SEMA4F: variants seen among roughly 807,000 people sequenced by gnomAD.
SEMA4F encodes ssemaphorin 4F.
Under a neutral mutation model 78.4 loss-of-function variants are expected in SEMA4F, and 51 were observed. The ratio of observed to expected loss-of-function variants is 0.65; its 90% confidence interval spans 0.52 to 0.82. The LOEUF (loss-of-function observed/expected upper bound fraction) is 0.82, where lower values mean the gene tolerates loss of function less well. Among genes scored for constraint, SEMA4F ranks in the 40% least tolerant of loss-of-function variants. The pLI is 0.00. For missense variants in SEMA4F, 938 were observed against 1,014.4 expected (o/e 0.92, Z 1.02); for synonymous variants, 418 against 408.7 (o/e 1.02, Z -0.27).
chr2:74,703,623 A>G, the SEMA4F span, among the ~76,000 whole-genome samples: 1 of 152,254 alleles, frequency 6.6e-6, no homozygotes, highest in South Asian at 2.1e-4. Context: ...CGGGCATAGA[A>G]AAACAATCAC....
chr2:74,707,821 A>G, the SEMA4F span, among the ~76,000 whole-genome samples: 1 of 152,136 alleles, frequency 6.6e-6, no homozygotes, highest in Non-Finnish European at 1.5e-5. Context: ...GGGGAGACCA[A>G]AGCAACTAGA....
chr2:74,659,397 G>A, intron 4 of SEMA4F, among the ~76,000 whole-genome samples: 1 of 152,158 alleles, frequency 6.6e-6, no homozygotes, highest in Non-Finnish European at 1.5e-5. Context: ...TGTTACATAA[G>A]GTATCTAGAC....
the SEMA4F span, among the ~76,000 whole-genome samples, chr2:74,689,473 A>G: frequency 6.6e-6 from 1 of 152,346 alleles, no homozygotes; most frequent in African/African-American, 2.4e-5. Context: ...TAAAGTGTAT[A>G]TATCATTTGA....
downstream of SEMA4F, among the ~76,000 whole-genome samples, chr2:74,688,537 T>C (rs970940022): frequency 6.6e-6 from 1 of 152,270 alleles, no homozygotes; most frequent in African/African-American, 2.4e-5. Flanking sequence ...ATAATACACA[T>C]GATTAATAAG....
chr2:74,675,795 C>G lies in SEMA4F; in HGVS notation c.1529C>G (p.Thr510Arg). 2 of 1,614,234 alleles carry G rather than the reference C, an allele frequency of 1.2e-6. No homozygotes were observed. Among genetic ancestry groups the G allele is most frequent in the Non-Finnish European group, 1.7e-6 (2 of 1,180,044 alleles). The change falls in exon 12 of 14, where the codon ACA becomes AGA. Residue 510 changes from threonine to arginine, a missense_variant. By Grantham distance (71) the Thr-to-Arg change is moderately conservative. Transcript: ENST00000357877. ...CGTACTGAGGTGACACAAGTGAATA[C>G]AACCAACTGTGGCCGTCTCCAGAGC... ...GSRTEVTQVN[T>R]TNCGRLQSCS...
rs1684165350 is a variant in SEMA4F, at chr2:74,656,725, A to G, written c.297+40A>G. 10 of 1,600,672 alleles carry G rather than the reference A, an allele frequency of 6.2e-6. No individual in the cohort carries two copies. In the South Asian group the frequency reaches 9.9e-5, roughly 16 times the overall value. On this transcript the variant is annotated intron_variant, in intron 2 of 13. Coordinates refer to ENST00000357877, the MANE Select transcript of SEMA4F (RefSeq NM_004263.5). Reference sequence around the variant, plus strand: ...AGGGAAGGACCCCTGACCCTGTAGCATGTGATTAAATCTATGATTTTATGA... The same window carrying G: ...AGGGAAGGACCCCTGACCCTGTAGCGTGTGATTAAATCTATGATTTTATGA...
rs1685484870 is a variant in SEMA4F at position 74,679,672 on chromosome 2, A to G, written c.1776A>G (p.Ala592=). 3.7e-6 allele frequency: 6 copies of G among 1,613,792 alleles called. No individual in the cohort carries two copies. The highest frequency in any genetic ancestry group is 1.6e-4 in the Middle Eastern group (1 of 6,062). Residue 592 remains alanine, a synonymous_variant, in exon 14 of 14, where the codon GCA becomes GCG. Coordinates refer to ENST00000357877, the MANE Select transcript of SEMA4F (RefSeq NM_004263.5). ...HVVLPCSPSS[A]WASCVWHQPS... ...TCTTGCCATGTTCTCCAAGCTCAGC[A>G]TGGGCATCCTGTGTGTGGCACCAGC...
the SEMA4F span, among the ~76,000 whole-genome samples, chr2:74,693,576 A>G: frequency 6.6e-6 from 1 of 152,228 alleles, no homozygotes; most frequent in Non-Finnish European, 1.5e-5. Flanking sequence ...AGATGATGGT[A>G]TAGTTTTTCT....
chr2:74,696,373 CT>C, the SEMA4F span, among the ~76,000 whole-genome samples: 4 of 151,682 alleles, frequency 2.6e-5, no homozygotes, highest in Non-Finnish European at 4.4e-5. Flanking sequence ...TTTTTTTGCA[CT>C]TTTAGTAGAG....
rs1266116466 is a variant in SEMA4F, at chr2:74,673,707, G to A, written c.701G>A (p.Ser234Asn). The change falls in exon 7 of 14, where the codon AGC becomes AAC. Residue 234 changes from serine (S) to asparagine (N), a missense_variant. Ser to Asn is a conservative substitution (Grantham distance 46, BLOSUM62 1). Transcript: ENST00000357877. Reference protein sequence around the residue: ...APAFVAAVALSPAEWGDEDGD... With the variant: ...APAFVAAVALNPAEWGDEDGD... The stretch of plus-strand genomic sequence containing the variant: ...GCCTTTGTCGCAGCCGTGGCCTTGA[G>A]CCCAGCCGAATGGGGGGATGAAGAT... The A allele has an allele frequency of 6.2e-7, 1 of 1,613,990 alleles. No homozygotes were observed. The highest frequency in any genetic ancestry group is 8.5e-7 in the Non-Finnish European group (1 of 1,180,006).
In SEMA4F at chr2:74,654,561, A is replaced by G. The variant is rs748374278; in HGVS notation, c.145+40A>G. On this transcript the variant is annotated intron_variant, in intron 1 of 13. Coordinates refer to ENST00000357877, the MANE Select transcript of SEMA4F (RefSeq NM_004263.5). ...CCCACGCCCTCAGCCCTTCGCGCCC[A>G]CACCCACACCCACACCCACCTGCTC... 8 of 1,440,642 alleles carry G rather than the reference A, an allele frequency of 5.6e-6. No homozygotes were observed. The African/African-American group carries it at 1.2e-4, about 21-fold the overall frequency. The allele number at this position is 1,440,642 out of a possible 1,614,324, so 89.2% of individuals were successfully genotyped here.
the SEMA4F span, among the ~76,000 whole-genome samples, chr2:74,707,067 T>C: frequency 1.4e-5 from 2 of 138,652 alleles, no homozygotes; most frequent in African/African-American, 6.1e-5. Context: ...AAATATATTT[T>C]AAAAATATGT....
rs1685720180 is a variant in SEMA4F at position 74,683,323 on chromosome 2, A to G, written c.*3114A>G. 1 of 152,226 alleles carries G rather than the reference A, an allele frequency of 6.6e-6. No homozygotes were observed. Among genetic ancestry groups the G allele is most frequent in the Non-Finnish European group, 1.5e-5 (1 of 68,052 alleles). 9.4% of individuals were successfully genotyped at this position (152,226 alleles called of 1,614,324 possible). A position where few individuals can be genotyped will look rare whatever the true frequency, so the allele number is the denominator to read the frequency against. On this transcript the variant is annotated 3_prime_UTR_variant, in exon 14 of 14. Coordinates refer to ENST00000357877, the MANE Select transcript of SEMA4F (RefSeq NM_004263.5). ...GTTCATCTGAACTTTATGCCAGCCCAAAACACGAGGACGTGCCACCCATCC... is the reference window on the plus strand; with the variant it reads ...GTTCATCTGAACTTTATGCCAGCCCGAAACACGAGGACGTGCCACCCATCC...
At chr2:74,697,779 G>A in the SEMA4F span, among the ~76,000 whole-genome samples, 1 of 152,286 alleles carries the variant, frequency 6.6e-6, no homozygotes, top group South Asian at 2.1e-4. Flanking sequence ...CTTTGGGCCA[G>A]GGGCTGGACC....
At position 74,680,567 on chromosome 2, in the gene SEMA4F, G is replaced by A. The variant is rs188079194; in HGVS notation, c.*358G>A. The A allele has an allele frequency of 2.7e-5, 5 of 183,174 alleles. No individual in the cohort carries two copies. The highest frequency in any genetic ancestry group is 5.6e-5 in the Admixed American group (1 of 17,862). The allele number at this position is 183,174 out of a possible 1,614,324, so 11.3% of individuals were successfully genotyped here. ...TTTGCTTTCTGGTTGGAGCCTGGCC[G>A]GAAGGAAGAGCCCTGGAGGTGGTTG... is the stretch of plus-strand genomic sequence containing the variant. On this transcript the variant is annotated 3_prime_UTR_variant, in exon 14 of 14. Transcript: ENST00000357877.
chr2:74,683,304 C>T lies in SEMA4F; in HGVS notation c.*3095C>T, dbSNP rs913035234. ...CACTAATCACCTCACATGGGTTCAT[C>T]TGAACTTTATGCCAGCCCAAAACAC... On this transcript the variant is annotated 3_prime_UTR_variant, in exon 14 of 14. Transcript: ENST00000357877. 1.3e-5 allele frequency: 2 copies of T among 152,220 alleles called. No homozygotes were observed. Among genetic ancestry groups the T allele is most frequent in the African/African-American group, 4.8e-5 (2 of 41,444 alleles). The allele number at this position is 152,220 out of a possible 1,614,324, so 9.4% of individuals were successfully genotyped here.
At chr2:74,692,895 A>G in the SEMA4F span, among the ~76,000 whole-genome samples, 1 of 152,264 alleles carries the variant, frequency 6.6e-6, no homozygotes, top group Admixed American at 6.5e-5. Context: ...ATGTGCACAC[A>G]CGAGTGTGTT....
In SEMA4F at chr2:74,682,932, C is replaced by CCTGCCTCAGT. The variant is rs1685700106; in HGVS notation, c.*2725_*2734dup. ...ACTAGCCAATCCTAAGTCTGCCTAC[C>CCTGCCTCAGT]CTGCCTCAGTCATTCCTTCCAATGG... On this transcript the variant is annotated 3_prime_UTR_variant, in exon 14 of 14. Transcript: ENST00000357877. 1 of 152,286 alleles carries CCTGCCTCAGT rather than the reference C, an allele frequency of 6.6e-6. No homozygotes were observed. The highest frequency in any genetic ancestry group is 2.1e-4 in the South Asian group (1 of 4,838). The allele number at this position is 152,286 out of a possible 1,614,324, so 9.4% of individuals were successfully genotyped here.
At chr2:74,685,069 A>G (rs1012516208), downstream of SEMA4F, among the ~76,000 whole-genome samples, 16 of 152,332 alleles carry the variant, frequency 1.1e-4, no homozygotes, top group African/African-American at 3.8e-4. Context: ...GGAAACATAT[A>G]CTAAATCTTT....
Sources: gnomAD v4.1 joint callset for allele counts (sites outside exome capture counted in the v4.1 genomes callset) on GRCh38, gnomAD v4.1.1 for gene constraint, MANE v1.5 for transcripts, NCBI Gene and HGNC (gene_info 2026-07-23, HGNC 2026-07-21) for gene names.